The following PRDM12 variants were observed in gnomAD, a reference collection of about 807,000 sequenced individuals.
The protein encoded by PRDM12 is PR/SET domain 12, also known as PR domain zinc finger protein 12.
PRDM12 carries 17 observed loss-of-function variants against 29.6 expected under a neutral mutation model. That is an observed-to-expected ratio of 0.57 (90% CI 0.39 to 0.86). The LOEUF (loss-of-function observed/expected upper bound fraction) is 0.86. PRDM12 is among the 40% of genes least tolerant of loss of function. The pLI, the probability that PRDM12 is intolerant of heterozygous loss-of-function variation, is 0.00. For synonymous variants in PRDM12, 231 were observed against 225.8 expected (o/e 1.02, Z -0.21); for missense variants, 422 against 510.8 (o/e 0.83, Z 1.68).
chr9:130,670,169 A>G (rs982200035), intron 3 of PRDM12, among the ~76,000 whole-genome samples: 1 of 152,102 alleles, frequency 6.6e-6, no homozygotes, highest in Admixed American at 6.6e-5. Flanking sequence ...TTCCCACCCC[A>G]CTTCTCTGCT....
In PRDM12 at chr9:130,664,894, A is replaced by AGCCCG; in HGVS notation, c.223+21_223+25dup. ...CTCCGGCGGTGAGTCCAGCCGTCGG[A>AGCCCG]GCCCGGCGCAATCCCTCCTCCCGGC... On this transcript the variant is annotated intron_variant, in intron 1 of 4. Coordinates refer to ENST00000253008, the MANE Select transcript of PRDM12 (RefSeq NM_021619.3). This position sits in a 1 kb window ranked among gnomAD's most constrained non-coding sequence, Gnocchi z 6.4. 1 of 1,511,766 alleles carries AGCCCG rather than the reference A, an allele frequency of 6.6e-7. No individual in the cohort carries two copies. The highest frequency in any genetic ancestry group is 8.9e-7 in the Non-Finnish European group (1 of 1,125,538). 93.6% of individuals were successfully genotyped at this position (1,511,766 alleles called of 1,614,324 possible).
intron 3 of PRDM12, among the ~76,000 whole-genome samples, chr9:130,669,935 G>T (rs1054295735): frequency 4.0e-5 from 6 of 151,882 alleles, no homozygotes; most frequent in Non-Finnish European, 7.4e-5. Flanking sequence ...GAAGAGGAGG[G>T]CTTCCTGGTA....
chr9:130,677,325 G>C (rs947888018), intron 3 of PRDM12, among the ~76,000 whole-genome samples: 1 of 152,240 alleles, frequency 6.6e-6, no homozygotes, highest in Non-Finnish European at 1.5e-5. Context: ...GAACGCCAGA[G>C]TTCTGAGTGT....
chr9:130,680,659 A>ATATATATATATATATTTTT, intron 4 of PRDM12, among the ~76,000 whole-genome samples: 34 of 72,146 alleles, frequency 4.7e-4, no homozygotes, highest in East Asian at 3.2e-3. Context: ...ATATATATAT[A>ATATATATATATATATTTTT]TTTTTTTTTT....
chr9:130,670,244 C>T (rs887079912), intron 3 of PRDM12, among the ~76,000 whole-genome samples: 3 of 152,130 alleles, frequency 2.0e-5, no homozygotes, highest in East Asian at 1.9e-4. Flanking sequence ...AGAGAGTGAC[C>T]GACCTTTAGT....
At chr9:130,676,368 C>T (rs982809012) in intron 3 of PRDM12, among the ~76,000 whole-genome samples, 55 of 152,114 alleles carry the variant, frequency 3.6e-4, no homozygotes, top group African/African-American at 8.4e-4. Context: ...TGGTGGCGGG[C>T]ACCTGTAGTC....
At chr9:130,671,215 G>C (rs935464806) in intron 3 of PRDM12, among the ~76,000 whole-genome samples, 1 of 151,964 alleles carries the variant, frequency 6.6e-6, no homozygotes, top group African/African-American at 2.4e-5. Context: ...CATGGTGGCG[G>C]GTGTCTGTAA....
chr9:130,670,817 C>T (rs570373712), intron 3 of PRDM12, among the ~76,000 whole-genome samples: 78 of 152,240 alleles, frequency 5.1e-4, no homozygotes, highest in Middle Eastern at 3.4e-3. Context: ...AGACCAGAAA[C>T]GCCTACATCA....
rs745427286 is a variant in PRDM12 at position 130,681,331 on chromosome 9, A to G, written c.766A>G (p.Ser256Gly). The G allele has an allele frequency of 3.2e-6, 5 of 1,565,156 alleles. No individual in the cohort carries two copies. Among genetic ancestry groups the G allele is most frequent in the Non-Finnish European group, 3.5e-6 (4 of 1,153,936 alleles). ...CTGCCACCGCGGCTTCAACTCGCGC[A>G]GCAACCTGCGCTCGCACATGCGCAT... ...VICHRGFNSR[S>G]NLRSHMRIHT... Residue 256 changes from serine (S) to glycine (G), a missense_variant, in exon 5 of 5, where the codon AGC becomes GGC. By Grantham distance (56) the Ser-to-Gly change is moderately conservative. Transcript: ENST00000253008. This position sits in a 1 kb window ranked among gnomAD's most constrained non-coding sequence, Gnocchi z 8.1.
rs1482423092 is a variant in PRDM12, at chr9:130,664,874, G to A, written c.221G>A (p.Gly74Asp). 2 of 1,536,516 alleles carry A rather than the reference G, an allele frequency of 1.3e-6. No homozygotes were observed. Among genetic ancestry groups the A allele is most frequent in the Non-Finnish European group, 1.8e-6 (2 of 1,140,738 alleles). Residue 74 changes from glycine to aspartate, a missense_variant and splice_region_variant, in exon 1 of 5, where the codon GGC (glycine) becomes GAC (aspartate). By Grantham distance (94) the Gly-to-Asp change is moderately conservative. This residue lies in a region of PRDM12 where 300 missense variants were observed against 350.0 expected (regional missense o/e 0.86). Transcript: ENST00000253008. This position sits in a 1 kb window ranked among gnomAD's most constrained non-coding sequence, Gnocchi z 6.4. ...GAGGTGCTGGCGCAGTCCTTCTCCG[G>A]CGGTGAGTCCAGCCGTCGGAGCCCG... ...TAEVLAQSFSGEVQKLSSLVL... is the reference protein window; with the variant it reads ...TAEVLAQSFSDEVQKLSSLVL...
chr9:130,669,732 C>T (rs190175100), intron 3 of PRDM12, among the ~76,000 whole-genome samples: 4 of 144,028 alleles, frequency 2.8e-5, no homozygotes, highest in African/African-American at 7.8e-5. Flanking sequence ...AGGAGAATGG[C>T]GTGAACCCGG....
At chr9:130,680,364 G>A (rs928800011) in intron 4 of PRDM12, among the ~76,000 whole-genome samples, 4 of 151,078 alleles carry the variant, frequency 2.6e-5, no homozygotes, top group Admixed American at 1.3e-4. Context: ...CTTTTTGGCC[G>A]GGCGCTGTGG....
chr9:130,671,374 G>C (rs1379772858), intron 3 of PRDM12, among the ~76,000 whole-genome samples: 2 of 135,644 alleles, frequency 1.5e-5, no homozygotes, highest in African/African-American at 2.7e-5. Flanking sequence ...AGAGGATCAG[G>C]ACACACACAC....
Position 130,664,657 on chromosome 9 carries a change from A to T in PRDM12, c.4A>T (p.Met2Leu). 6.4e-7 allele frequency: 1 copy of T among 1,563,804 alleles called. No homozygotes were observed. The highest frequency in any genetic ancestry group is 1.4e-5 in the African/African-American group (1 of 72,830). The change falls in exon 1 of 5, where the codon ATG becomes TTG. Residue 2 changes from methionine to leucine, a missense_variant. This residue lies in a region of PRDM12 where 300 missense variants were observed against 350.0 expected (regional missense o/e 0.86). Coordinates refer to ENST00000253008, the MANE Select transcript of PRDM12 (RefSeq NM_021619.3). This position sits in a 1 kb window ranked among gnomAD's most constrained non-coding sequence, Gnocchi z 6.4. ...GCCGGGGAGCTCCGGGCCGCCCATG[A>T]TGGGCTCCGTGCTCCCGGCTGAGGC... M[M>L]GSVLPAEALV...
chr9:130,670,015 C>T (rs1302975502), intron 3 of PRDM12, among the ~76,000 whole-genome samples: 2 of 151,850 alleles, frequency 1.3e-5, no homozygotes, highest in African/African-American at 2.4e-5. Flanking sequence ...CAAGCAGAGA[C>T]GTGGTTGCCA....
Position 130,666,903 on chromosome 9 carries a change from G to C in PRDM12, c.414+105G>C. On this transcript the variant is annotated intron_variant, in intron 2 of 4. Coordinates refer to ENST00000253008, the MANE Select transcript of PRDM12 (RefSeq NM_021619.3). ...CGCCGCTTCCACCCGGGCTGAGAGC[G>C]GCGGACACTCCTGGCCTGGACGCCC... 7 of 1,428,342 alleles carry C rather than the reference G, an allele frequency of 4.9e-6. No individual in the cohort carries two copies. In the Admixed American group the frequency reaches 1.2e-4, roughly 25 times the overall value. 88.5% of individuals were successfully genotyped at this position (1,428,342 alleles called of 1,614,324 possible). A position where few individuals can be genotyped will look rare whatever the true frequency, so the allele number is the denominator to read the frequency against.
rs546315742 is a variant in PRDM12 at position 130,682,708 on chromosome 9, C to G, written c.*1039C>G. On this transcript the variant is annotated 3_prime_UTR_variant, in exon 5 of 5. Transcript: ENST00000253008. The surrounding 1 kb of genome is among the most constrained non-coding windows in gnomAD (Gnocchi z 4.2). ...TCCTCAAATTCGGGCCGTGCGCGCC[C>G]TCTGGTGTCGCCTCTCACACTTTGC... 6.6e-6 allele frequency: 1 copy of G among 152,566 alleles called. No homozygotes were observed. The highest frequency in any genetic ancestry group is 2.4e-5 in the African/African-American group (1 of 41,556). The allele number at this position is 152,566 out of a possible 1,614,324, so 9.5% of individuals were successfully genotyped here. A position where few individuals can be genotyped will look rare whatever the true frequency, so the allele number is the denominator to read the frequency against.
In PRDM12 at chr9:130,664,919, C is replaced by A. The variant is rs760487028; in HGVS notation, c.223+43C>A. On this transcript the variant is annotated intron_variant, in intron 1 of 4. Transcript: ENST00000253008. The surrounding 1 kb of genome is among the most constrained non-coding windows in gnomAD (Gnocchi z 6.4). ...AGCCCGGCGCAATCCCTCCTCCCGG[C>A]GACCCCCATTCCCGTCCTGGCGATG... 6.8e-7 allele frequency: 1 copy of A among 1,478,392 alleles called. No homozygotes were observed. Among genetic ancestry groups the A allele is most frequent in the Non-Finnish European group, 9.0e-7 (1 of 1,105,692 alleles). 91.6% of individuals were successfully genotyped at this position (1,478,392 alleles called of 1,614,324 possible). A position where few individuals can be genotyped will look rare whatever the true frequency, so the allele number is the denominator to read the frequency against.
Position 130,678,594 on chromosome 9 carries a change from C to T in PRDM12, c.636C>T (p.Ile212=). The T allele has an allele frequency of 6.2e-7, 1 of 1,613,458 alleles. No individual in the cohort carries two copies. The highest frequency in any genetic ancestry group is 8.5e-7 in the Non-Finnish European group (1 of 1,179,686). ...YGNSHNTFLG[I]PGVPGLEEDQ... The stretch of plus-strand genomic sequence containing the variant: ...ACTCACACAACACCTTCCTGGGGAT[C>T]CCAGGTGTGCCCGGGCTAGAGGAGG... The change falls in exon 4 of 5, where the codon ATC becomes ATT. Residue 212 remains isoleucine, a synonymous_variant. Coordinates refer to ENST00000253008, the MANE Select transcript of PRDM12 (RefSeq NM_021619.3).
Sources: allele counts gnomAD v4.1 joint callset (sites outside exome capture counted in the v4.1 genomes callset), GRCh38; gene constraint gnomAD v4.1.1; regional missense constraint gnomAD v4.1.1; non-coding constraint Gnocchi (gnomAD v3.1); transcripts MANE v1.5; gene names NCBI Gene and HGNC (gene_info 2026-07-23, HGNC 2026-07-21).